Variants in ITFG1 observed in about 807,000 individuals in gnomAD.
ITFG1 encodes integrin alpha FG-GAP repeat containing 1.
Under a neutral mutation model 81.8 loss-of-function variants are expected in ITFG1, and 34 were observed. The ratio of observed to expected loss-of-function variants is 0.42; its 90% CI spans 0.32 to 0.55. The LOEUF (loss-of-function observed/expected upper bound fraction) is 0.55, where lower values mean the gene tolerates loss of function less well. ITFG1 is among the 20% of genes least tolerant of loss of function. ITFG1 has a pLI of 0.17. For missense variants in ITFG1, 672 were observed against 755.4 expected (o/e 0.89, Z 1.29); for synonymous variants, 285 against 270.6 (o/e 1.05, Z -0.52).
At chr16:47,445,392 C>G (rs1969312514) in intron 5 of ITFG1, among the ~76,000 whole-genome samples, 1 of 150,216 alleles carries the variant, frequency 6.7e-6, no homozygotes, top group Admixed American at 6.7e-5. Flanking sequence ...ATAGTGAAAA[C>G]AGGTACACTC....
chr16:47,379,858 A>G (rs1253603321), intron 6 of ITFG1, among the ~76,000 whole-genome samples: 1 of 151,982 alleles, frequency 6.6e-6, no homozygotes, highest in Non-Finnish European at 1.5e-5. Context: ...GAGGAAATAC[A>G]CTAGTGGGGG....
At chr16:47,350,283 T>G (rs1268717019) in intron 8 of ITFG1, among the ~76,000 whole-genome samples, 2 of 152,156 alleles carry the variant, frequency 1.3e-5, no homozygotes, top group Non-Finnish European at 2.9e-5. Context: ...GAGCTAGTTT[T>G]TTGAAAAGAT....
intron 14 of ITFG1, among the ~76,000 whole-genome samples, chr16:47,188,348 G>C (rs1965250611): frequency 6.6e-6 from 1 of 151,922 alleles, no homozygotes; most frequent in Non-Finnish European, 1.5e-5. Context: ...CTATAGCAAA[G>C]ACTTGGAACC....
intron 8 of ITFG1, among the ~76,000 whole-genome samples, chr16:47,335,354 A>C (rs1967689523): frequency 6.6e-6 from 1 of 152,238 alleles, no homozygotes; most frequent in East Asian, 1.9e-4. Flanking sequence ...GCGAGACTCT[A>C]AGAAAAAACA....
chr16:47,408,232 T>A (rs1968754122), intron 6 of ITFG1, among the ~76,000 whole-genome samples: 1 of 152,210 alleles, frequency 6.6e-6, no homozygotes, highest in Non-Finnish European at 1.5e-5. Context: ...TAAATAATTT[T>A]GAATTTGATG....
chr16:47,460,624 G>C (rs929618666), intron 1 of ITFG1, among the ~76,000 whole-genome samples: 1 of 152,196 alleles, frequency 6.6e-6, no homozygotes, highest in Non-Finnish European at 1.5e-5. Context: ...GGGCTTTTGA[G>C]GGTAGGTCAA....
intron 12 of ITFG1, among the ~76,000 whole-genome samples, chr16:47,244,596 TGTGTGTGTGTGTG>T (rs1965976174): frequency 1.9e-3 from 1 of 526 alleles, no homozygotes; most frequent in African/African-American, 2.4e-3. Flanking sequence ...ATCTTTTGTG[TGTGTGTGTGTGTG>T]TGTGTGTGTG....
At chr16:47,298,965 T>C (rs756576265) in intron 10 of ITFG1, among the ~76,000 whole-genome samples, 17 of 152,050 alleles carry the variant, frequency 1.1e-4, no homozygotes, top group South Asian at 4.2e-4. Flanking sequence ...TAAAGCCAGA[T>C]TGGGGAACCC....
intron 10 of ITFG1, among the ~76,000 whole-genome samples, chr16:47,274,229 C>A (rs1421937914): frequency 1.3e-5 from 2 of 151,866 alleles, no homozygotes; most frequent in African/African-American, 2.4e-5. Context: ...TGCACTCCAG[C>A]CTGGGGGACA....
At chr16:47,250,877 G>A (rs1441457512) in intron 12 of ITFG1, among the ~76,000 whole-genome samples, 2 of 152,220 alleles carry the variant, frequency 1.3e-5, no homozygotes, top group African/African-American at 4.8e-5. Context: ...GCAGCTGAGA[G>A]GGGAAACATG....
At chr16:47,327,657 T>C (rs943322072) in intron 8 of ITFG1, among the ~76,000 whole-genome samples, 50 of 152,232 alleles carry the variant, frequency 3.3e-4, no homozygotes, top group African/African-American at 1.2e-3. Flanking sequence ...CATCAAAAAG[T>C]GGGCAAAGGA....
chr16:47,320,497 C>A (rs1176630047), intron 8 of ITFG1, among the ~76,000 whole-genome samples: 2 of 152,190 alleles, frequency 1.3e-5, no homozygotes, highest in African/African-American at 4.8e-5. Flanking sequence ...AGTTGTACTG[C>A]ACTTTTTACA....
In ITFG1 at chr16:47,405,049, A is replaced by C. The variant is rs201950714; in HGVS notation, c.655+23755T>G. Among the ~76,000 whole-genome samples the C allele has an allele frequency of 3.9e-5, 6 of 152,244 alleles. No homozygotes were observed. The South Asian group carries it at 1.2e-3, about 32-fold the overall frequency. On this transcript the variant is annotated intron_variant, in intron 6 of 17. Coordinates refer to ENST00000320640, the MANE Select transcript of ITFG1 (RefSeq NM_030790.5). The stretch of plus-strand genomic sequence containing the variant: ...GCTGGTCATATAATATATGTCACAA[A>C]TATCGTCTCCCAATTTGTGGCTTTC...
At position 47,461,050 on chromosome 16, in the gene ITFG1, G is replaced by GC. The variant is rs1969535286; in HGVS notation, c.-6dup. On this transcript the variant is annotated 5_prime_UTR_variant, in exon 1 of 18. Transcript: ENST00000320640. ...GAGCCGGCCCGCCGCCGCCATGGCAGCCCCTCAGCCCCCGCCCGCCGGCCC... is the reference window on the plus strand; with the variant it reads ...GAGCCGGCCCGCCGCCGCCATGGCAGCCCCCTCAGCCCCCGCCCGCCGGCCC... 2.0e-6 allele frequency: 3 copies of GC among 1,531,644 alleles called. No homozygotes were observed. The highest frequency in any genetic ancestry group is 2.8e-5 in the African/African-American group (2 of 72,496). 94.9% of individuals were successfully genotyped at this position (1,531,644 alleles called of 1,614,324 possible).
At position 47,454,038 on chromosome 16, in the gene ITFG1, G is replaced by C; in HGVS notation, c.402C>G (p.Ile134Met). 6.2e-7 allele frequency: 1 copy of C among 1,606,978 alleles called. No individual in the cohort carries two copies. Among genetic ancestry groups the C allele is most frequent in the South Asian group, 1.1e-5 (1 of 89,820 alleles). The change falls in exon 3 of 18, where the codon ATC (isoleucine) becomes ATG (methionine). Residue 134 changes from isoleucine (I) to methionine (M), a missense_variant. Transcript: ENST00000320640. ...NYAKSELGAV[I>M]FWGQNQTLDP... ...CTAATGTTTGATTTTGTCCCCAGAA[G>C]ATAACAGCTCCTAATTCACTCTTGG...
chr16:47,351,700 G>C (rs1329591558), intron 8 of ITFG1, among the ~76,000 whole-genome samples: 2 of 141,690 alleles, frequency 1.4e-5, no homozygotes, highest in African/African-American at 2.7e-5. Context: ...TCAGAGAATT[G>C]GAAAAAGCTA....
chr16:47,409,301 G>A (rs528488481), intron 6 of ITFG1, among the ~76,000 whole-genome samples: 75 of 115,642 alleles, frequency 6.5e-4, no homozygotes, highest in Middle Eastern at 7.8e-3. Context: ...AGATATAACC[G>A]AAATACCAAA....
At chr16:47,385,285 T>C (rs1040666081) in intron 6 of ITFG1, among the ~76,000 whole-genome samples, 2 of 152,172 alleles carry the variant, frequency 1.3e-5, no homozygotes, top group African/African-American at 2.4e-5. Context: ...TCTAATAAAA[T>C]TAGTTCAAAA....
intron 8 of ITFG1, among the ~76,000 whole-genome samples, chr16:47,320,071 G>A (rs1967425828): frequency 6.6e-6 from 1 of 152,154 alleles, no homozygotes; most frequent in African/African-American, 2.4e-5. Flanking sequence ...ATGGGCGTGT[G>A]CCACCACGCC....
Sources: allele counts gnomAD v4.1 joint callset (sites outside exome capture counted in the v4.1 genomes callset), GRCh38; gene constraint gnomAD v4.1.1; transcripts MANE v1.5; gene names NCBI Gene and HGNC (gene_info 2026-07-23, HGNC 2026-07-21).